TBC1D32: variants seen among roughly 807,000 people sequenced by gnomAD.
The protein encoded by TBC1D32 is protein broad-minded.
TBC1D32 carries 151 observed loss-of-function variants against 170.3 expected under a neutral mutation model. The observed-to-expected ratio is 0.89, with a 90% CI of 0.78 to 1.01. The LOEUF is 1.01. TBC1D32 is among the 50% of genes least tolerant of loss of function. TBC1D32 has a pLI of 0.00. For synonymous variants in TBC1D32, 498 were observed against 488.0 expected (o/e 1.02, Z -0.27); for missense variants, 1,464 against 1,457.1 (o/e 1.00, Z -0.08).
intron 17 of TBC1D32, among the ~76,000 whole-genome samples, chr6:121,253,779 T>C (rs1221281327): frequency 1.3e-5 from 2 of 152,086 alleles, no homozygotes; most frequent in South Asian, 4.2e-4. Context: ...ACTTTTATAC[T>C]GCTGGTGGGA....
intron 30 of TBC1D32, among the ~76,000 whole-genome samples, chr6:121,095,085 G>A (rs1296909453): frequency 6.6e-6 from 1 of 152,082 alleles, no homozygotes; most frequent in Non-Finnish European, 1.5e-5. Context: ...GGCTTATAAA[G>A]AAAGTGAAAC....
At chr6:121,152,423 C>T (rs967689452) in intron 24 of TBC1D32, among the ~76,000 whole-genome samples, 1 of 152,068 alleles carries the variant, frequency 6.6e-6, no homozygotes, top group Non-Finnish European at 1.5e-5. Context: ...TCTCTGACTG[C>T]CTTAAAATTT....
intron 22 of TBC1D32, among the ~76,000 whole-genome samples, chr6:121,200,656 G>A (rs1405269874): frequency 6.6e-6 from 1 of 151,480 alleles, no homozygotes. Flanking sequence ...GTTTTATTCA[G>A]AAGAAGAAAT....
At chr6:121,222,902 C>T (rs981438868) in intron 21 of TBC1D32, among the ~76,000 whole-genome samples, 26 of 152,134 alleles carry the variant, frequency 1.7e-4, no homozygotes, top group African/African-American at 6.0e-4. Flanking sequence ...CCTAATTATC[C>T]TAGCCAATGA....
intron 22 of TBC1D32, among the ~76,000 whole-genome samples, chr6:121,184,068 A>T (rs1365627250): frequency 6.6e-6 from 1 of 152,102 alleles, no homozygotes; most frequent in African/African-American, 2.4e-5. Context: ...TCTTCACAAG[A>T]GTGAATCAAC....
chr6:121,276,392 A>G (rs112057049), intron 15 of TBC1D32, among the ~76,000 whole-genome samples: 334 of 152,234 alleles, frequency 2.2e-3, no homozygotes, highest in African/African-American at 7.6e-3. Flanking sequence ...AATGTATATT[A>G]CAAACTTAAT....
chr6:121,239,200 T>C lies in TBC1D32; in HGVS notation c.2246-12A>G, dbSNP rs775086341. On this transcript the variant is annotated splice_polypyrimidine_tract_variant and intron_variant, in intron 19 of 31. Transcript: ENST00000398212. Reference sequence around the variant, plus strand: ...TTCATTAATAAACCCTAAAAAGAATTATTACTTCAAGTCATTTATAGCATA... The same window carrying C: ...TTCATTAATAAACCCTAAAAAGAATCATTACTTCAAGTCATTTATAGCATA... 6.9e-7 allele frequency: 1 copy of C among 1,443,540 alleles called. No homozygotes were observed. Among genetic ancestry groups the C allele is most frequent in the South Asian group, 1.2e-5 (1 of 82,256 alleles). 89.4% of individuals were successfully genotyped at this position (1,443,540 alleles called of 1,614,324 possible).
chr6:121,143,130 C>A (rs1417682275), intron 24 of TBC1D32, among the ~76,000 whole-genome samples: 1 of 152,070 alleles, frequency 6.6e-6, no homozygotes, highest in Non-Finnish European at 1.5e-5. Context: ...CCTATCTATA[C>A]CCTCAGGTAA....
chr6:121,185,702 A>T (rs1297847612), intron 22 of TBC1D32, among the ~76,000 whole-genome samples: 2 of 152,076 alleles, frequency 1.3e-5, no homozygotes, highest in Admixed American at 6.6e-5. Context: ...CTTGGCTACT[A>T]TGCTTTTCTA....
intron 19 of TBC1D32, among the ~76,000 whole-genome samples, chr6:121,239,741 A>G (rs930931656): frequency 6.6e-6 from 1 of 152,152 alleles, no homozygotes; most frequent in African/African-American, 2.4e-5. Flanking sequence ...AATTCTTACG[A>G]GTCATACTAT....
chr6:121,169,721 A>T (rs1399647036), intron 22 of TBC1D32, among the ~76,000 whole-genome samples: 1 of 152,156 alleles, frequency 6.6e-6, no homozygotes, highest in East Asian at 1.9e-4. Flanking sequence ...AAAAACCTAG[A>T]GTATCAAGTA....
intron 17 of TBC1D32, among the ~76,000 whole-genome samples, chr6:121,247,151 G>A (rs887775921): frequency 2.6e-5 from 4 of 152,036 alleles, no homozygotes; most frequent in African/African-American, 9.7e-5. Flanking sequence ...AAGCCAGAAG[G>A]AACTGGGGTC....
chr6:121,141,781 G>T (rs1452554358), intron 24 of TBC1D32, among the ~76,000 whole-genome samples: 1 of 152,040 alleles, frequency 6.6e-6, no homozygotes, highest in Non-Finnish European at 1.5e-5. Context: ...GTTCGGTCAG[G>T]GTGGTGGGAA....
chr6:121,324,287 T>G (rs1463381208), intron 1 of TBC1D32, among the ~76,000 whole-genome samples: 2 of 152,176 alleles, frequency 1.3e-5, no homozygotes, highest in Non-Finnish European at 2.9e-5. Flanking sequence ...CAACAAAAAT[T>G]ACATTTTATT....
chr6:121,228,554 T>C (rs1795336085), intron 20 of TBC1D32, among the ~76,000 whole-genome samples: 2 of 152,256 alleles, frequency 1.3e-5, no homozygotes, highest in Admixed American at 1.3e-4. Context: ...TTTCCAAGTA[T>C]CTTTTTTTCT....
At chr6:121,326,049 T>C (rs1370667787) in intron 1 of TBC1D32, among the ~76,000 whole-genome samples, 4 of 152,140 alleles carry the variant, frequency 2.6e-5, no homozygotes, top group African/African-American at 9.7e-5. Context: ...ATTAGAGAAA[T>C]GCAAATCAAA....
chr6:121,250,857 T>C (rs996153810), intron 17 of TBC1D32, among the ~76,000 whole-genome samples: 1 of 152,100 alleles, frequency 6.6e-6, no homozygotes, highest in Non-Finnish European at 1.5e-5. Context: ...CCAAAAACTC[T>C]TTAAGCTGAT....
chr6:121,133,588 T>C (rs1044988714), intron 24 of TBC1D32, among the ~76,000 whole-genome samples: 2 of 152,052 alleles, frequency 1.3e-5, no homozygotes, highest in African/African-American at 4.8e-5. Context: ...ATGATTATCA[T>C]ATATAAAATC....
At chr6:121,093,745 T>A (rs1777084413) in intron 30 of TBC1D32, among the ~76,000 whole-genome samples, 1 of 152,266 alleles carries the variant, frequency 6.6e-6, no homozygotes, top group East Asian at 1.9e-4. Flanking sequence ...GTACATTGTC[T>A]TTTTCTTCAT....
Sources: allele counts gnomAD v4.1 joint callset (sites outside exome capture counted in the v4.1 genomes callset), GRCh38; gene constraint gnomAD v4.1.1; transcripts MANE v1.5; gene names NCBI Gene and HGNC (gene_info 2026-07-23, HGNC 2026-07-21).